The following INTS3 variants were observed in gnomAD, a reference collection of about 807,000 sequenced individuals.
INTS3 encodes integrator complex subunit 3, also known as SOSS complex subunit A.
Under a neutral mutation model 146.3 loss-of-function variants are expected in INTS3, and 34 were observed. The observed-to-expected ratio is 0.23, with a 90% CI of 0.18 to 0.31. The LOEUF is 0.31. INTS3 is among the 10% of genes least tolerant of loss of function. The pLI is 1.00. For synonymous variants in INTS3, 475 were observed against 494.9 expected, an observed-to-expected ratio of 0.96 and a Z score of 0.53; for missense variants, 757 against 1,304.2, an observed-to-expected ratio of 0.58 and a Z score of 6.46.
rs774369722 is a variant in INTS3, at chr1:153,770,185, T to G, written c.2390-13T>G. On this transcript the variant is annotated splice_polypyrimidine_tract_variant and intron_variant, in intron 23 of 29. Coordinates refer to ENST00000318967, the MANE Select transcript of INTS3 (RefSeq NM_023015.5). Reference sequence around the variant, plus strand: ...TTCATTCTTGAGAGAGATGTTTCTTTTGTCTCTTCCAGTTCAGAGCCTAGA... The same window carrying G: ...TTCATTCTTGAGAGAGATGTTTCTTGTGTCTCTTCCAGTTCAGAGCCTAGA... 1 of 1,525,042 alleles carries G rather than the reference T, an allele frequency of 6.6e-7. No homozygotes were observed. The highest frequency in any genetic ancestry group is 9.1e-7 in the Non-Finnish European group (1 of 1,100,584). The allele number at this position is 1,525,042 out of a possible 1,614,324, so 94.5% of individuals were successfully genotyped here.
chr1:153,733,432 C>T (rs944288810), intron 1 of INTS3, among the ~76,000 whole-genome samples: 1 of 151,224 alleles, frequency 6.6e-6, no homozygotes, highest in Admixed American at 6.6e-5. Context: ...AGGCTGCTCT[C>T]GAAGTCGTGA....
intron 1 of INTS3, among the ~76,000 whole-genome samples, chr1:153,732,961 G>A (rs1289058361): frequency 6.6e-6 from 1 of 151,342 alleles, no homozygotes; most frequent in South Asian, 2.1e-4. Flanking sequence ...GCACCACCAT[G>A]CCCGGCTAAT....
rs374719274 is a variant in INTS3 at position 153,747,143 on chromosome 1, A to G, written c.432+73A>G. 8.3e-6 allele frequency: 11 copies of G among 1,332,164 alleles called. No homozygotes were observed. The East Asian group carries it at 9.2e-5, about 11-fold the overall frequency. The allele number at this position is 1,332,164 out of a possible 1,614,324, so 82.5% of individuals were successfully genotyped here. On this transcript the variant is annotated intron_variant, in intron 4 of 29. Coordinates refer to ENST00000318967, the MANE Select transcript of INTS3 (RefSeq NM_023015.5). ...GATCTTCTCTCTGTCAGGAACGGGAAAGAGGAATCAGGGCTAACACACCCC... is the reference window on the plus strand; with the variant it reads ...GATCTTCTCTCTGTCAGGAACGGGAGAGAGGAATCAGGGCTAACACACCCC...
At chr1:153,764,769 C>T (rs770953915) in intron 19 of INTS3, 35 bp downstream of exon 19, 15 of 1,568,802 alleles carry the variant, frequency 9.6e-6, no homozygotes, top group Non-Finnish European at 1.2e-5. Flanking sequence ...CTGTTCTACC[C>T]TCCATCCTCC....
rs187587971 is a variant in INTS3 at position 153,758,993 on chromosome 1, G to A, written c.1150-533G>A. On this transcript the variant is annotated intron_variant, in intron 10 of 29. Transcript: ENST00000318967. ...AAGCCACGCATGGTGGTGTGCTCCTGTAGTCCCAGCTACCAAGGAGGCTGA... is the reference window on the plus strand; with the variant it reads ...AAGCCACGCATGGTGGTGTGCTCCTATAGTCCCAGCTACCAAGGAGGCTGA... 2.2e-3 allele frequency among the ~76,000 whole-genome samples: 340 copies of A among 151,934 alleles called. 1 individual carries two copies. Among genetic ancestry groups the A allele is most frequent in the Non-Finnish European group, 2.8e-3 (191 of 67,978 alleles).
Position 153,770,135 on chromosome 1 carries a change from GT to G in INTS3, c.2390-62del, listed in dbSNP as rs1384682027. 1.2e-3 allele frequency: 414 copies of G among 359,186 alleles called. 2 individuals are homozygous for G. The highest frequency in any genetic ancestry group is 6.9e-3 in the African/African-American group (127 of 18,388). The allele number at this position is 359,186 out of a possible 1,614,324, so 22.2% of individuals were successfully genotyped here. ...GTCAGTGGATGGGGGGGTGGGGGGG[GT>G]GTGTGTGTGTGTGTGTTCGTTTGTT... On this transcript the variant is annotated intron_variant, in intron 23 of 29. Coordinates refer to ENST00000318967, the MANE Select transcript of INTS3 (RefSeq NM_023015.5).
chr1:153,737,832 A>C (rs1353915783), intron 1 of INTS3, among the ~76,000 whole-genome samples: 1 of 151,874 alleles, frequency 6.6e-6, no homozygotes, highest in African/African-American at 2.4e-5. Flanking sequence ...TTGGTGCTCT[A>C]TTTTTCTTTC....
At chr1:153,754,551 C>G (rs1272986975) in intron 8 of INTS3, 91 bp from the exon 9 acceptor site, 1 of 871,218 alleles carries the variant, frequency 1.1e-6, no homozygotes, top group East Asian at 2.4e-5. Context: ...GACTACTGGC[C>G]ATCAGTACCT....
Position 153,774,508 on chromosome 1 carries a change from CCTTCCACAGTGTGGCCA to C in INTS3, c.*1242_*1258del, listed in dbSNP as rs1244128738. The C allele has an allele frequency of 1.3e-5, 2 of 152,402 alleles. No individual in the cohort carries two copies. Among genetic ancestry groups the C allele is most frequent in the Non-Finnish European group, 2.9e-5 (2 of 68,218 alleles). 9.4% of individuals were successfully genotyped at this position (152,402 alleles called of 1,614,324 possible). On this transcript the variant is annotated 3_prime_UTR_variant, in exon 30 of 30. Transcript: ENST00000318967. The stretch of plus-strand genomic sequence containing the variant: ...ACCAGGGAGGGACAGAGATGCTCTT[CCTTCCACAGTGTGGCCA>C]CTTGCTGGGCCATGTGAACCAGCAG...
chr1:153,748,564 C>T, intron 5 of INTS3, 125 bp from the exon 6 acceptor site: 1 of 795,774 alleles, frequency 1.3e-6, no homozygotes, highest in South Asian at 1.4e-5. Flanking sequence ...CAGTTTATCT[C>T]AGCAGTGAAG....
At position 153,771,977 on chromosome 1, in the gene INTS3, CCT is replaced by C; in HGVS notation, c.2720+15_2720+16del. The C allele has an allele frequency of 6.2e-7, 1 of 1,607,074 alleles. No homozygotes were observed. The highest frequency in any genetic ancestry group is 8.5e-7 in the Non-Finnish European group (1 of 1,176,436). On this transcript the variant is annotated intron_variant, in intron 26 of 29. Transcript: ENST00000318967. Reference sequence around the variant, plus strand: ...CAAGAGACAGAGGTGGGACACGGTCCCTGTCTACCCTCCAGGCCATGGCGGTC... The same window carrying C: ...CAAGAGACAGAGGTGGGACACGGTCCGTCTACCCTCCAGGCCATGGCGGTC...
chr1:153,746,692 C>T (rs112622952), intron 3 of INTS3, among the ~76,000 whole-genome samples: 3,308 of 150,760 alleles, frequency 0.022, 116 homozygotes, highest in African/African-American at 0.069. Context: ...TGAGCCACTG[C>T]ACCTGGCTGC....
Position 153,772,683 on chromosome 1 carries a change from G to A in INTS3, c.2866G>A (p.Ala956Thr), listed in dbSNP as rs763022844. The A allele has an allele frequency of 2.5e-6, 4 of 1,614,158 alleles. No homozygotes were observed. Among genetic ancestry groups the A allele is most frequent in the East Asian group, 2.2e-5 (1 of 44,878 alleles). The change falls in exon 28 of 30, where the codon GCG (alanine) becomes ACG (threonine). Residue 956 changes from alanine (A) to threonine (T), a missense_variant. Transcript: ENST00000318967. This position sits in a 1 kb window ranked among gnomAD's most constrained non-coding sequence, Gnocchi z 4.6. ...TCTCCAGGCGCTGCAGCATGTCCAA[G>A]CGAGCTGTGACGAAGCCCACAAGAT... ...PILQALQHVQ[A>T]SCDEAHKMKF...
intron 13 of INTS3, 153 bp downstream of exon 13, chr1:153,761,071 C>A: frequency 6.9e-7 from 1 of 1,447,748 alleles, no homozygotes. Flanking sequence ...GTCTTCTTGG[C>A]TCTTAGAGGA....
chr1:153,764,760 T>C, intron 19 of INTS3, 26 bp downstream of exon 19: 1 of 1,584,992 alleles, frequency 6.3e-7, no homozygotes. Flanking sequence ...TAGGAGATAC[T>C]GTTCTACCCT....
chr1:153,746,455 C>T (rs1012045657), intron 3 of INTS3, among the ~76,000 whole-genome samples: 1 of 151,872 alleles, frequency 6.6e-6, no homozygotes, highest in Non-Finnish European at 1.5e-5. Flanking sequence ...GGCTAGAGTG[C>T]AGTGGCGCGA....
At position 153,774,347 on chromosome 1, in the gene INTS3, T is replaced by C. The variant is rs979139174; in HGVS notation, c.*1077T>C. On this transcript the variant is annotated 3_prime_UTR_variant, in exon 30 of 30. Coordinates refer to ENST00000318967, the MANE Select transcript of INTS3 (RefSeq NM_023015.5). The stretch of plus-strand genomic sequence containing the variant: ...CTTACTCATTTCTCAAGAAACAAGA[T>C]GCTTCCAAAAGGTCTGTCATCCTCC... 1 of 152,266 alleles carries C rather than the reference T, an allele frequency of 6.6e-6. No individual in the cohort carries two copies. The highest frequency in any genetic ancestry group is 6.5e-5 in the Admixed American group (1 of 15,288). 9.4% of individuals were successfully genotyped at this position (152,266 alleles called of 1,614,324 possible). A position where few individuals can be genotyped will look rare whatever the true frequency, so the allele number is the denominator to read the frequency against.
At chr1:153,761,155 T>C in intron 13 of INTS3, 1 of 1,073,794 alleles carries the variant, frequency 9.3e-7, no homozygotes, top group East Asian at 2.7e-5. Context: ...TTCAGGGATC[T>C]GAGTATGGTC....
intron 3 of INTS3, among the ~76,000 whole-genome samples, chr1:153,742,810 C>CTA (rs1671587579): frequency 6.6e-6 from 1 of 152,206 alleles, no homozygotes; most frequent in Non-Finnish European, 1.5e-5. Flanking sequence ...TCTTTTTGCC[C>CTA]TATAACAGCC....
Sources: allele counts gnomAD v4.1 joint callset (sites outside exome capture counted in the v4.1 genomes callset), GRCh38; gene constraint gnomAD v4.1.1; non-coding constraint Gnocchi (gnomAD v3.1); transcripts MANE v1.5; gene names NCBI Gene and HGNC (gene_info 2026-07-23, HGNC 2026-07-21).